Variants in PPHLN1 observed in about 807,000 individuals in gnomAD.
PPHLN1 encodes periphilin-1.
Under a neutral mutation model 51.3 loss-of-function variants are expected in PPHLN1, and 29 were observed. That is an observed-to-expected ratio of 0.57 (90% CI 0.42 to 0.77). PPHLN1 has a LOEUF of 0.77. Ranked by LOEUF, PPHLN1 falls within the 30% of genes least tolerant of loss-of-function variation. PPHLN1 has a pLI of 0.00. For missense variants in PPHLN1, 436 were observed against 438.4 expected, an observed-to-expected ratio of 0.99 and a Z score of 0.05; for synonymous variants, 147 against 147.8, an observed-to-expected ratio of 0.99 and a Z score of 0.04.
chr12:42,342,519 T>G (rs1036788758), intron 2 of PPHLN1, among the ~76,000 whole-genome samples: 1 of 152,248 alleles, frequency 6.6e-6, no homozygotes, highest in Non-Finnish European at 1.5e-5. Flanking sequence ...TTAATGAAGC[T>G]GCAACATAAA....
chr12:42,375,243 C>T, intron 5 of PPHLN1, 169 bp downstream of exon 5: 2 of 454,572 alleles, frequency 4.4e-6, no homozygotes, highest in South Asian at 4.1e-5. Context: ...ACCATACACA[C>T]ACATTTTTTT....
chr12:42,334,726 G>T lies in PPHLN1; in HGVS notation c.-20-1157G>T, dbSNP rs565331960. ...ACCATTTTCATTTTTTGCTCATGGT[G>T]GTTCTTCTGTACATCAGGATGGTTC... On this transcript the variant is annotated intron_variant, in intron 1 of 9. Coordinates refer to ENST00000358314, the MANE Select transcript of PPHLN1 (RefSeq NM_201439.2). 3.3e-5 allele frequency among the ~76,000 whole-genome samples: 5 copies of T among 152,238 alleles called. No individual in the cohort carries two copies. In the South Asian group the frequency reaches 1.0e-3, roughly 32 times the overall value.
rs538546693 is a variant in PPHLN1 at position 42,419,785 on chromosome 12, G to C, written c.909+20791G>C. 1.4e-4 allele frequency among the ~76,000 whole-genome samples: 21 copies of C among 152,252 alleles called. No homozygotes were observed. In the South Asian group the frequency reaches 4.3e-3, roughly 32 times the overall value. ...TGGATATGAGTGGCTAATTTCCCAA[G>C]ATTATAACAAGTTGATTCTTATTGT... is the stretch of plus-strand genomic sequence containing the variant. On this transcript the variant is annotated intron_variant, in intron 9 of 9. Coordinates refer to ENST00000358314, the MANE Select transcript of PPHLN1 (RefSeq NM_201439.2).
At chr12:42,421,436 T>C (rs2080998528) in intron 9 of PPHLN1, among the ~76,000 whole-genome samples, 1 of 152,044 alleles carries the variant, frequency 6.6e-6, no homozygotes, top group African/African-American at 2.4e-5. Context: ...AACCTCCTGC[T>C]TCCCAGGTTC....
In PPHLN1 at chr12:42,328,744, C is replaced by T. The variant is rs770379647; in HGVS notation, c.-21+2515C>T. ...TTATTTTTTGAGACGGTGTCTTGCT[C>T]TGTTGCCCAGGCTGGAGTGCAGTGG... On this transcript the variant is annotated intron_variant, in intron 1 of 9. Coordinates refer to ENST00000358314, the MANE Select transcript of PPHLN1 (RefSeq NM_201439.2). 2.6e-5 allele frequency among the ~76,000 whole-genome samples: 4 copies of T among 152,194 alleles called. No individual in the cohort carries two copies. In the South Asian group the frequency reaches 8.3e-4, roughly 32 times the overall value.
chr12:42,418,647 T>G lies in PPHLN1; in HGVS notation c.909+19653T>G, dbSNP rs184866210. Among the ~76,000 whole-genome samples the G allele has an allele frequency of 2.6e-3, 400 of 152,300 alleles. 2 individuals are homozygous for G. The highest frequency in any genetic ancestry group is 9.2e-3 in the African/African-American group (382 of 41,568). On this transcript the variant is annotated intron_variant, in intron 9 of 9. Transcript: ENST00000358314. ...ATTATGACTTCTACTAAGCATTCTC[T>G]CTCTGGCCTCTGCTAAATGTCACCC...
intron 9 of PPHLN1, chr12:42,433,483 TG>T: frequency 4.2e-6 from 1 of 237,526 alleles, no homozygotes; most frequent in East Asian, 1.2e-4. Context: ...CCACCATGCC[TG>T]GCTAATTTTT....
intron 2 of PPHLN1, among the ~76,000 whole-genome samples, chr12:42,340,311 CAAAAA>C (rs201722204): frequency 2.6e-5 from 2 of 77,472 alleles, no homozygotes; most frequent in Non-Finnish European, 2.7e-5. Flanking sequence ...GATCCTGTCT[CAAAAA>C]AAAAAAAAAA....
intron 4 of PPHLN1, among the ~76,000 whole-genome samples, chr12:42,357,133 A>C (rs767916967): frequency 2.6e-5 from 4 of 152,218 alleles, no homozygotes; most frequent in Non-Finnish European, 5.9e-5. Flanking sequence ...AAAGTGAATC[A>C]GAGTAAAAGG....
intron 4 of PPHLN1, among the ~76,000 whole-genome samples, chr12:42,374,479 G>T (rs1038003934): frequency 5.3e-5 from 8 of 151,602 alleles, no homozygotes; most frequent in Non-Finnish European, 8.8e-5. Context: ...TCGCTCTGTT[G>T]CCCAGGCTGG....
intron 9 of PPHLN1, among the ~76,000 whole-genome samples, chr12:42,426,302 T>G (rs904151513): frequency 2.0e-5 from 3 of 151,390 alleles, no homozygotes; most frequent in Non-Finnish European, 4.4e-5. Context: ...CCAAACCAGT[T>G]TCTTTACACT....
intron 5 of PPHLN1, among the ~76,000 whole-genome samples, chr12:42,383,240 A>T (rs1281223569): frequency 6.6e-6 from 1 of 152,202 alleles, no homozygotes; most frequent in Non-Finnish European, 1.5e-5. Flanking sequence ...GATTTGTAGC[A>T]TTTGCTGATA....
chr12:42,403,202 C>G (rs1158726715), intron 9 of PPHLN1, among the ~76,000 whole-genome samples: 1 of 152,164 alleles, frequency 6.6e-6, no homozygotes, highest in African/African-American at 2.4e-5. Context: ...AACCAATGTT[C>G]TTTAAAGTGC....
chr12:42,435,683 C>T (rs1372923838), intron 9 of PPHLN1, among the ~76,000 whole-genome samples: 1 of 151,720 alleles, frequency 6.6e-6, no homozygotes, highest in Non-Finnish European at 1.5e-5. Flanking sequence ...TTTTATATAC[C>T]TTTCATTAAA....
chr12:42,374,987 C>T lies in PPHLN1; in HGVS notation c.424C>T (p.His142Tyr). 6.2e-7 allele frequency: 1 copy of T among 1,613,974 alleles called. No homozygotes were observed. Among genetic ancestry groups the T allele is most frequent in the South Asian group, 1.1e-5 (1 of 91,082 alleles). Reference sequence around the variant, plus strand: ...ACCTGTTGGCCGAAAGGATTCTCCACACAGCAGATCTGGTTCCAGTGTCAG... The same window carrying T: ...ACCTGTTGGCCGAAAGGATTCTCCATACAGCAGATCTGGTTCCAGTGTCAG... ...ESPVGRKDSP[H>Y]SRSGSSVSSR... is the part of the protein sequence containing the mutation. The change falls in exon 5 of 10, where the codon CAC becomes TAC. Residue 142 changes from histidine to tyrosine, a missense_variant. His to Tyr is a moderately conservative substitution (Grantham distance 83). Transcript: ENST00000358314.
intron 2 of PPHLN1, 49 bp downstream of exon 2, chr12:42,336,023 T>A (rs755729991): frequency 1.5e-6 from 2 of 1,292,792 alleles, no homozygotes; most frequent in Admixed American, 4.3e-5. Context: ...GTGTCTGAAT[T>A]AATTTGATAC....
chr12:42,409,354 G>A (rs1006233953), intron 9 of PPHLN1, among the ~76,000 whole-genome samples: 14 of 152,120 alleles, frequency 9.2e-5, no homozygotes, highest in African/African-American at 3.1e-4. Flanking sequence ...GTGCAGGTTG[G>A]TGATAATATG....
At chr12:42,410,460 G>A (rs1425919707) in intron 9 of PPHLN1, among the ~76,000 whole-genome samples, 1 of 152,082 alleles carries the variant, frequency 6.6e-6, no homozygotes, top group Non-Finnish European at 1.5e-5. Context: ...ATAAGATACT[G>A]CCTACCTTAT....
intron 5 of PPHLN1, among the ~76,000 whole-genome samples, chr12:42,377,651 AATG>A (rs1408256497): frequency 1.3e-5 from 2 of 152,128 alleles, no homozygotes; most frequent in African/African-American, 2.4e-5. Context: ...CATATCCAAT[AATG>A]ATTTTCATTA....
Sources: gnomAD v4.1 joint callset for allele counts (sites outside exome capture counted in the v4.1 genomes callset) on GRCh38, gnomAD v4.1.1 for gene constraint, MANE v1.5 for transcripts, NCBI Gene and HGNC (gene_info 2026-07-23, HGNC 2026-07-21) for gene names.